PHC1: variants seen among roughly 807,000 people sequenced by gnomAD.
PHC1 encodes the protein polyhomeotic homolog 1.
In PHC1, 12 loss-of-function variants were observed where a neutral mutation model predicts 104.3. The observed-to-expected ratio is 0.12, with a 90% CI of 0.07 to 0.19. PHC1 has a LOEUF of 0.19. Ranked by LOEUF, PHC1 falls within the 10% of genes least tolerant of loss-of-function variation. The pLI is 1.00. For synonymous variants in PHC1, 302 were observed against 455.8 expected (o/e 0.66, Z 4.30); for missense variants, 671 against 1,200.0 (o/e 0.56, Z 6.51).
Position 8,919,553 on chromosome 12 carries a change from A to T in PHC1, c.115-203A>T, listed in dbSNP as rs1488978550. Among the ~76,000 whole-genome samples the T allele has an allele frequency of 1.3e-5, 2 of 152,184 alleles. No homozygotes were observed. The highest frequency in any genetic ancestry group is 2.9e-5 in the Non-Finnish European group (2 of 68,028). On this transcript the variant is annotated intron_variant, in intron 2 of 14. Coordinates refer to ENST00000544916, the MANE Select transcript of PHC1 (RefSeq NM_004426.3). The surrounding 1 kb of genome is among the most constrained non-coding windows in gnomAD (Gnocchi z 4.9). ...GGTTACAGTAAACTATGATCACGCCACTGTGCTCCAGCCTGGTGATAGAGC... is the reference window on the plus strand; with the variant it reads ...GGTTACAGTAAACTATGATCACGCCTCTGTGCTCCAGCCTGGTGATAGAGC...
Position 8,934,349 on chromosome 12 carries a change from G to T in PHC1, c.2124G>T (p.Pro708=). 1 of 1,613,832 alleles carries T rather than the reference G, an allele frequency of 6.2e-7. No individual in the cohort carries two copies. Among genetic ancestry groups the T allele is most frequent in the African/African-American group, 1.3e-5 (1 of 74,990 alleles). ...CCTTGACCCCCGCCCCTTCAGTACC[G>T]CCTCCTACACTAGCCATGGTGTCTA... ...LVALTPAPSV[P]PPTLAMVSRQ... is the part of the protein sequence containing the mutation. The change falls in exon 10 of 15, where the codon CCG becomes CCT. Residue 708 remains proline (P), a synonymous_variant. Transcript: ENST00000544916.
Position 8,933,918 on chromosome 12 carries a change from A to T in PHC1, c.1947A>T (p.Arg649Ser), listed in dbSNP as rs147974917. ...GCAAGGCTGACTCTGAGGAGGAGAG[A>T]GATGATGTCTCCACATTGGGTTCAA... Reference protein sequence around the residue: ...VKRKADSEEERDDVSTLGSML... With the variant: ...VKRKADSEEESDDVSTLGSML... The change falls in exon 9 of 15, where the codon AGA (arginine) becomes AGT (serine). Residue 649 changes from arginine (R) to serine (S), a missense_variant. Coordinates refer to ENST00000544916, the MANE Select transcript of PHC1 (RefSeq NM_004426.3). 1.3e-4 allele frequency: 210 copies of T among 1,612,302 alleles called. No homozygotes were observed. The highest frequency in any genetic ancestry group is 1.7e-4 in the Non-Finnish European group (205 of 1,178,370).
At chr12:8,934,870 C>T (rs755375995) in intron 10 of PHC1, among the ~76,000 whole-genome samples, 1 of 152,024 alleles carries the variant, frequency 6.6e-6, no homozygotes, top group South Asian at 2.1e-4. Context: ...AGGGAGCCAG[C>T]GTAGGAACCT....
chr12:8,936,325 C>T (rs1033732139), intron 11 of PHC1, among the ~76,000 whole-genome samples: 4 of 152,058 alleles, frequency 2.6e-5, no homozygotes, highest in Admixed American at 6.5e-5. Flanking sequence ...GAGGTTGCAG[C>T]GATCCAAGAT....
In PHC1 at chr12:8,934,258, G is replaced by T. The variant is rs753609895; in HGVS notation, c.2042-9G>T. Reference sequence around the variant, plus strand: ...CATGTCTGTTGCTTAATCTGTGTTTGTTTTCCAGAAAAAGCTGAATCAGTG... The same window carrying T: ...CATGTCTGTTGCTTAATCTGTGTTTTTTTTCCAGAAAAAGCTGAATCAGTG... On this transcript the variant is annotated splice_polypyrimidine_tract_variant and intron_variant, in intron 9 of 14. Transcript: ENST00000544916. The T allele has an allele frequency of 6.2e-7, 1 of 1,608,122 alleles. No homozygotes were observed. The highest frequency in any genetic ancestry group is 8.5e-7 in the Non-Finnish European group (1 of 1,175,192).
intron 3 of PHC1, 101 bp from the exon 4 acceptor site, chr12:8,920,884 G>A (rs1369554873): frequency 2.6e-6 from 2 of 757,468 alleles, no homozygotes; most frequent in African/African-American, 3.5e-5. Context: ...TGTTTATAAT[G>A]TGAAATCTCT....
At chr12:8,923,433 TC>T (rs1371816137) in intron 6 of PHC1, among the ~76,000 whole-genome samples, 1 of 152,214 alleles carries the variant, frequency 6.6e-6, no homozygotes, top group Non-Finnish European at 1.5e-5. Context: ...GTTGAGTTCT[TC>T]CTTCATGTAC....
At chr12:8,926,780 T>C (rs1262266844) in intron 6 of PHC1, among the ~76,000 whole-genome samples, 1 of 149,372 alleles carries the variant, frequency 6.7e-6, no homozygotes, top group African/African-American at 2.5e-5. Flanking sequence ...CTGGGCGTGG[T>C]GGCACATCCC....
intron 6 of PHC1, among the ~76,000 whole-genome samples, chr12:8,927,143 A>C (rs752870965): frequency 6.6e-6 from 1 of 152,200 alleles, no homozygotes; most frequent in African/African-American, 2.4e-5. Context: ...GCATGCGCGC[A>C]TGCGTGGGCA....
chr12:8,921,011 C>T lies in PHC1; in HGVS notation c.252C>T (p.Ala84=). ...QQATIAASRQ[A]SSPNTSTTQQ... Reference sequence around the variant, plus strand: ...CCACAATTGCTGCCAGTCGGCAGGCCAGCTCCCCAAACACCAGCACTACAC... The same window carrying T: ...CCACAATTGCTGCCAGTCGGCAGGCTAGCTCCCCAAACACCAGCACTACAC... The change falls in exon 4 of 15, where the codon GCC becomes GCT. Residue 84 remains alanine, a synonymous_variant. Coordinates refer to ENST00000544916, the MANE Select transcript of PHC1 (RefSeq NM_004426.3). 1 of 1,613,428 alleles carries T rather than the reference C, an allele frequency of 6.2e-7. No individual in the cohort carries two copies. Among genetic ancestry groups the T allele is most frequent in the Non-Finnish European group, 8.5e-7 (1 of 1,179,744 alleles).
At position 8,933,640 on chromosome 12, in the gene PHC1, A is replaced by AT. The variant is rs1390173800; in HGVS notation, c.1894-224dup. On this transcript the variant is annotated intron_variant, in intron 8 of 14. Transcript: ENST00000544916. ...AACAGTTCTTGGTTGGTCTACGTGAATACAGGGTCTCAAGACCTAGGTCAG... is the reference window on the plus strand; with the variant it reads ...AACAGTTCTTGGTTGGTCTACGTGAATTACAGGGTCTCAAGACCTAGGTCAG... 1.2e-5 allele frequency: 7 copies of AT among 603,650 alleles called. No homozygotes were observed. The African/African-American group carries it at 1.3e-4, about 11-fold the overall frequency. 37.4% of individuals were successfully genotyped at this position (603,650 alleles called of 1,614,324 possible).
rs760565564 is a variant in PHC1 at position 8,921,641 on chromosome 12, G to A, written c.347G>A (p.Arg116Gln). The A allele has an allele frequency of 8.4e-5, 136 of 1,613,404 alleles. No homozygotes were observed. The highest frequency in any genetic ancestry group is 5.3e-5 in the African/African-American group (4 of 74,842). ...ATTSAAQLISRSQSVSSPSAT... is the reference protein window; with the variant it reads ...ATTSAAQLISQSQSVSSPSAT... Reference sequence around the variant, plus strand: ...ACATCGGCCGCCCAGCTCATCAGCCGATCCCAGAGTGTGAGCTCTCCCAGT... The same window carrying A: ...ACATCGGCCGCCCAGCTCATCAGCCAATCCCAGAGTGTGAGCTCTCCCAGT... Residue 116 changes from arginine to glutamine, a missense_variant, in exon 5 of 15, where the codon CGA (arginine) becomes CAA (glutamine). Around this residue, in one of 9 missense-constraint regions of PHC1, gnomAD observed 237 missense variants for 331.1 expected, o/e 0.72. Transcript: ENST00000544916.
chr12:8,914,313 A>C (rs1321197853), upstream of PHC1, among the ~76,000 whole-genome samples: 1 of 152,058 alleles, frequency 6.6e-6, no homozygotes, highest in Non-Finnish European at 1.5e-5. Context: ...AAAAGAGGAG[A>C]AAGAGAGCAA....
At position 8,935,106 on chromosome 12, in the gene PHC1, C is replaced by G. The variant is rs751578216; in HGVS notation, c.2254-18C>G. The G allele has an allele frequency of 1.2e-5, 17 of 1,373,778 alleles. No homozygotes were observed. The East Asian group carries it at 4.1e-4, about 33-fold the overall frequency. The allele number at this position is 1,373,778 out of a possible 1,614,324, so 85.1% of individuals were successfully genotyped here. ...AAGGGGATCAGGCTAACTTAACTCT[C>G]AATGTTTTCTGGGACAGGTGGGTTG... On this transcript the variant is annotated intron_variant, in intron 10 of 14. Transcript: ENST00000544916.
chr12:8,936,043 C>T (rs1165033447), intron 11 of PHC1, among the ~76,000 whole-genome samples: 1 of 152,094 alleles, frequency 6.6e-6, no homozygotes, highest in Admixed American at 6.5e-5. Flanking sequence ...GGATTACAGG[C>T]GTGAGCCACC....
At chr12:8,926,500 G>A (rs1592197497) in intron 6 of PHC1, among the ~76,000 whole-genome samples, 1 of 152,136 alleles carries the variant, frequency 6.6e-6, no homozygotes, top group South Asian at 2.1e-4. Context: ...CATGCCCATA[G>A]CCCCAGTTAA....
intron 6 of PHC1, among the ~76,000 whole-genome samples, chr12:8,924,412 G>T (rs946320583): frequency 1.3e-5 from 2 of 152,118 alleles, no homozygotes; most frequent in African/African-American, 4.8e-5. Context: ...GGAGGTGGAG[G>T]TTGCAGTGAG....
rs916154163 is a variant in PHC1 at position 8,934,275 on chromosome 12, G to A, written c.2050G>A (p.Glu684Lys). 1.2e-6 allele frequency: 2 copies of A among 1,613,026 alleles called. No individual in the cohort carries two copies. The change falls in exon 10 of 15, where the codon GAA (glutamate) becomes AAA (lysine). Residue 684 changes from glutamate (E) to lysine (K), a missense_variant. By Grantham distance (56) the Glu-to-Lys change is moderately conservative. Transcript: ENST00000544916. ...DEKSSLGEKAESVANVNANTP... is the reference protein window; with the variant it reads ...DEKSSLGEKAKSVANVNANTP... ...CTGTGTTTGTTTTCCAGAAAAAGCT[G>A]AATCAGTGGCTAATGTGAATGCTAA...
chr12:8,931,382 C>G (rs182704223), intron 7 of PHC1, among the ~76,000 whole-genome samples: 38 of 152,310 alleles, frequency 2.5e-4, no homozygotes, highest in Non-Finnish European at 4.4e-4. Context: ...ATAGCAGATA[C>G]AGTACAATGC....
Sources: gnomAD v4.1 joint callset for allele counts (sites outside exome capture counted in the v4.1 genomes callset) on GRCh38, gnomAD v4.1.1 for gene constraint, gnomAD v4.1.1 regional missense constraint, Gnocchi (gnomAD v3.1) non-coding constraint, MANE v1.5 for transcripts, NCBI Gene and HGNC (gene_info 2026-07-23, HGNC 2026-07-21) for gene names.